The following CADPS variants were observed in gnomAD, a reference collection of about 807,000 sequenced individuals.
CADPS encodes calcium dependent secretion activator.
CADPS carries 57 observed loss-of-function variants against 167.3 expected under a neutral mutation model. The ratio of observed to expected loss-of-function variants is 0.34; its 90% CI spans 0.28 to 0.42. CADPS has a LOEUF of 0.42. CADPS is among the 20% of genes least tolerant of loss of function. The pLI is 1.00. For missense variants in CADPS, 1,414 were observed against 1,738.1 expected (o/e 0.81, Z 3.32); for synonymous variants, 676 against 635.3 (o/e 1.06, Z -0.96).
intron 3 of CADPS, among the ~76,000 whole-genome samples, chr3:62,716,775 A>G (rs1280165228): frequency 3.3e-5 from 5 of 151,946 alleles, no homozygotes; most frequent in African/African-American, 9.7e-5. Context: ...AGTTTGACTG[A>G]TTTTTTTTGG....
At chr3:62,741,670 C>T (rs906172334) in intron 3 of CADPS, among the ~76,000 whole-genome samples, 2 of 152,166 alleles carry the variant, frequency 1.3e-5, no homozygotes, top group South Asian at 4.1e-4. Flanking sequence ...CAACATCATA[C>T]TGAACAGGCA....
intron 3 of CADPS, among the ~76,000 whole-genome samples, chr3:62,677,403 A>G (rs1457201115): frequency 6.6e-6 from 1 of 152,128 alleles, no homozygotes; most frequent in African/African-American, 2.4e-5. Flanking sequence ...GATCTCTATA[A>G]GTTCTCAGTA....
chr3:62,427,034 C>T (rs2052876540), intron 28 of CADPS, among the ~76,000 whole-genome samples: 1 of 148,150 alleles, frequency 6.7e-6, no homozygotes, highest in South Asian at 2.2e-4. Flanking sequence ...GAGATTGCGC[C>T]ACTACACTCC....
intron 23 of CADPS, among the ~76,000 whole-genome samples, chr3:62,477,100 G>T (rs1576559495): frequency 6.6e-6 from 1 of 152,174 alleles, no homozygotes; most frequent in South Asian, 2.1e-4. Context: ...AATTCCTGCT[G>T]AGATGCTGTT....
intron 1 of CADPS, among the ~76,000 whole-genome samples, chr3:62,777,824 G>T (rs902037427): frequency 5.9e-5 from 9 of 152,142 alleles, no homozygotes; most frequent in Admixed American, 4.6e-4. Context: ...GCCCAGGGAA[G>T]AACAGAAAAT....
At chr3:62,654,181 C>T (rs983195622) in intron 4 of CADPS, among the ~76,000 whole-genome samples, 2 of 152,144 alleles carry the variant, frequency 1.3e-5, no homozygotes, top group Non-Finnish European at 2.9e-5. Flanking sequence ...GCTGCTGGGT[C>T]CCCATCACTT....
intron 11 of CADPS, among the ~76,000 whole-genome samples, chr3:62,543,618 TAAAAGAA>T (rs1439331076): frequency 2.0e-5 from 3 of 148,580 alleles, no homozygotes; most frequent in African/African-American, 5.0e-5. Flanking sequence ...TTATGCAAAA[TAAAAGAA>T]AAAAGAAAGA....
At chr3:62,613,848 T>C (rs2061856015) in intron 6 of CADPS, among the ~76,000 whole-genome samples, 1 of 152,096 alleles carries the variant, frequency 6.6e-6, no homozygotes, top group Admixed American at 6.5e-5. Flanking sequence ...GGGCAGCCAT[T>C]CAATTTGCTG....
chr3:62,851,635 G>A lies in CADPS; in HGVS notation c.441+22954C>T, dbSNP rs376113762. Among the ~76,000 whole-genome samples the A allele has an allele frequency of 1.0e-3, 142 of 139,600 alleles. 1 individual carries two copies. The East Asian group carries it at 0.014, about 14-fold the overall frequency. 91.6% of individuals were successfully genotyped at this position (139,600 alleles called of 152,430 possible). ...TCTTCTGGCTTGTAGGGTTTCTGCC[G>A]AGAGATCCGCTGTTAGTCTGATGGG... On this transcript the variant is annotated intron_variant, in intron 1 of 29. Transcript: ENST00000383710.
At chr3:62,679,962 T>C (rs977045756) in intron 3 of CADPS, among the ~76,000 whole-genome samples, 16 of 152,018 alleles carry the variant, frequency 1.1e-4, no homozygotes, top group Admixed American at 9.2e-4. Flanking sequence ...TTATAATTTA[T>C]ATAAAGATCC....
chr3:62,797,170 G>GA (rs1044228999), intron 1 of CADPS, among the ~76,000 whole-genome samples: 1 of 147,550 alleles, frequency 6.8e-6, no homozygotes, highest in Non-Finnish European at 1.5e-5. Context: ...TTTGTTTTTT[G>GA]TTTTTTTTCC....
chr3:62,871,405 G>A (rs1488073263), intron 1 of CADPS, among the ~76,000 whole-genome samples: 1 of 152,106 alleles, frequency 6.6e-6, no homozygotes, highest in African/African-American at 2.4e-5. Context: ...TGGGTGTACA[G>A]GGGAAGAAAG....
At chr3:62,656,969 G>C (rs17066726) in intron 4 of CADPS, among the ~76,000 whole-genome samples, 4,993 of 152,198 alleles carry the variant, frequency 0.033, 269 homozygotes, top group African/African-American at 0.11. Flanking sequence ...GAGTCAGAGA[G>C]GGGATCCCTG....
chr3:62,506,115 C>T (rs143169802), intron 17 of CADPS, among the ~76,000 whole-genome samples: 325 of 152,252 alleles, frequency 2.1e-3, no homozygotes, highest in Middle Eastern at 3.4e-3. Context: ...GACAGCTGTG[C>T]GCGGTGGCTC....
intron 6 of CADPS, among the ~76,000 whole-genome samples, chr3:62,627,197 A>T (rs189480999): frequency 6.6e-6 from 1 of 151,880 alleles, no homozygotes. Context: ...ATTAATTGTC[A>T]TATTCTGATT....
intron 3 of CADPS, among the ~76,000 whole-genome samples, chr3:62,739,443 G>A (rs1277340965): frequency 6.6e-6 from 1 of 152,196 alleles, no homozygotes; most frequent in Non-Finnish European, 1.5e-5. Flanking sequence ...TTTAAGGATT[G>A]TTTGTTATGC....
intron 6 of CADPS, among the ~76,000 whole-genome samples, chr3:62,594,795 A>G (rs2058690875): frequency 6.6e-6 from 1 of 152,204 alleles, no homozygotes; most frequent in African/African-American, 2.4e-5. Flanking sequence ...GTGTTCCTCA[A>G]TGCACACTTT....
At chr3:62,571,862 C>A (rs1003145071) in intron 8 of CADPS, among the ~76,000 whole-genome samples, 5 of 152,128 alleles carry the variant, frequency 3.3e-5, no homozygotes, top group African/African-American at 9.7e-5. Flanking sequence ...CCGTGCCTGG[C>A]GTAAGGTCAA....
chr3:62,712,826 A>G (rs1378738151), intron 3 of CADPS, among the ~76,000 whole-genome samples: 1 of 152,206 alleles, frequency 6.6e-6, no homozygotes, highest in Non-Finnish European at 1.5e-5. Context: ...ACAACTGGTC[A>G]TAAATTGTGC....
Sources: allele counts gnomAD v4.1 joint callset (sites outside exome capture counted in the v4.1 genomes callset), GRCh38; gene constraint gnomAD v4.1.1; transcripts MANE v1.5; gene names NCBI Gene and HGNC (gene_info 2026-07-23, HGNC 2026-07-21).